Variants in AUTS2 observed in about 807,000 individuals in gnomAD.
The protein encoded by AUTS2 is autism susceptibility gene 2 protein.
Under a neutral mutation model 112.4 loss-of-function variants are expected in AUTS2, and 17 were observed. The observed-to-expected ratio is 0.15, with a 90% CI of 0.10 to 0.23. The LOEUF is 0.23. Ranked by LOEUF, AUTS2 falls within the 10% of genes least tolerant of loss-of-function variation. The pLI, the probability that AUTS2 is intolerant of heterozygous loss-of-function variation, is 1.00. For missense variants in AUTS2, 1,510 were observed against 1,701.6 expected (o/e 0.89, Z 1.98); for synonymous variants, 751 against 702.7 (o/e 1.07, Z -1.09).
chr7:69,900,277 G>A (rs1794916333), intron 2 of AUTS2, among the ~76,000 whole-genome samples: 1 of 152,212 alleles, frequency 6.6e-6, no homozygotes, highest in Non-Finnish European at 1.5e-5. Flanking sequence ...TGTCCTGGGT[G>A]TGTTTTATTT....
At chr7:70,711,865 T>TAA (rs1328557425) in intron 6 of AUTS2, among the ~76,000 whole-genome samples, 1 of 152,162 alleles carries the variant, frequency 6.6e-6, no homozygotes, top group Non-Finnish European at 1.5e-5. Flanking sequence ...AAAACTAGCC[T>TAA]AAAAACACAG....
chr7:70,303,475 G>T (rs991070801), intron 4 of AUTS2, among the ~76,000 whole-genome samples: 2 of 106,426 alleles, frequency 1.9e-5, no homozygotes, highest in Non-Finnish European at 4.1e-5. Flanking sequence ...CACACACACA[G>T]TGCTGCTGCA....
At chr7:69,919,075 T>C (rs1228011323) in intron 2 of AUTS2, among the ~76,000 whole-genome samples, 3 of 152,164 alleles carry the variant, frequency 2.0e-5, no homozygotes, top group Non-Finnish European at 4.4e-5. Flanking sequence ...CATTAACTAT[T>C]GTCATATATG....
Position 70,504,285 on chromosome 7 carries a change from G to A in AUTS2, c.690+68504G>A, listed in dbSNP as rs190036215. On this transcript the variant is annotated intron_variant, in intron 5 of 18. Coordinates refer to ENST00000342771, the MANE Select transcript of AUTS2 (RefSeq NM_015570.4). Reference sequence around the variant, plus strand: ...CAGGTTTAGAGAGGTCTAATGAAGAGGGTTTACTGAATGGGGAAAGGGCAG... The same window carrying A: ...CAGGTTTAGAGAGGTCTAATGAAGAAGGTTTACTGAATGGGGAAAGGGCAG... Among the ~76,000 whole-genome samples, 5 of 151,914 alleles carry A rather than the reference G, an allele frequency of 3.3e-5. No homozygotes were observed. The East Asian group carries it at 9.7e-4, about 29-fold the overall frequency.
intron 4 of AUTS2, among the ~76,000 whole-genome samples, chr7:70,174,792 G>T (rs961896767): frequency 3.3e-5 from 5 of 152,090 alleles, no homozygotes; most frequent in African/African-American, 1.2e-4. Context: ...GAGACCTACT[G>T]CTTGGAAAAA....
At chr7:70,179,086 A>G (rs1331638795) in intron 4 of AUTS2, among the ~76,000 whole-genome samples, 1 of 152,106 alleles carries the variant, frequency 6.6e-6, no homozygotes, top group Non-Finnish European at 1.5e-5. Context: ...TTGGAATGCA[A>G]GTGCATCACA....
chr7:69,765,261 G>C (rs1001745959), intron 1 of AUTS2, among the ~76,000 whole-genome samples: 9 of 152,050 alleles, frequency 5.9e-5, no homozygotes, highest in Non-Finnish European at 8.8e-5. Flanking sequence ...GTTCCTTCTG[G>C]TCAAGAGCCC....
chr7:69,765,508 G>C (rs1057226156), intron 1 of AUTS2, among the ~76,000 whole-genome samples: 4 of 152,098 alleles, frequency 2.6e-5, no homozygotes, highest in Non-Finnish European at 4.4e-5. Context: ...AAAGAGTCAG[G>C]GTCTCACTGT....
At chr7:70,583,718 C>G (rs6961778) in intron 5 of AUTS2, among the ~76,000 whole-genome samples, 2 of 152,202 alleles carry the variant, frequency 1.3e-5, no homozygotes, top group Non-Finnish European at 1.5e-5. Flanking sequence ...CCGCACCGCA[C>G]GGCTCAGGCC....
chr7:70,738,330 G>C (rs927633984), intron 6 of AUTS2, among the ~76,000 whole-genome samples: 1 of 151,650 alleles, frequency 6.6e-6, no homozygotes, highest in African/African-American at 2.4e-5. Context: ...TGCTGGAGCA[G>C]ATGAAAAGGC....
chr7:70,758,964 C>G (rs1789391631), intron 6 of AUTS2, among the ~76,000 whole-genome samples: 1 of 152,146 alleles, frequency 6.6e-6, no homozygotes, highest in African/African-American at 2.4e-5. Flanking sequence ...GTTTCAGCCC[C>G]CGAAGTTCTT....
intron 4 of AUTS2, among the ~76,000 whole-genome samples, chr7:70,403,479 C>T (rs745479753): frequency 1.7e-4 from 26 of 152,342 alleles, no homozygotes; most frequent in Non-Finnish European, 3.5e-4. Flanking sequence ...TTTCCTTCAT[C>T]AGATCATCAA....
chr7:70,114,034 A>T (rs1805226848), intron 2 of AUTS2, among the ~76,000 whole-genome samples: 1 of 152,230 alleles, frequency 6.6e-6, no homozygotes, highest in Non-Finnish European at 1.5e-5. Context: ...ATGAAAAACA[A>T]ACTAGCTTCT....
At chr7:70,222,331 G>A (rs1197669788) in intron 4 of AUTS2, among the ~76,000 whole-genome samples, 1 of 152,184 alleles carries the variant, frequency 6.6e-6, no homozygotes, top group Non-Finnish European at 1.5e-5. Context: ...CAAGGTGAGT[G>A]AAGGTGAAGC....
intron 1 of AUTS2, among the ~76,000 whole-genome samples, chr7:69,839,435 A>G (rs1304455895): frequency 6.6e-6 from 1 of 152,166 alleles, no homozygotes; most frequent in Non-Finnish European, 1.5e-5. Context: ...ATTCCAGATT[A>G]TAGGCATATA....
In AUTS2 at chr7:70,717,304, C is replaced by T. The variant is rs373255894; in HGVS notation, c.742+18684C>T. 3.9e-5 allele frequency among the ~76,000 whole-genome samples: 6 copies of T among 152,256 alleles called. No individual in the cohort carries two copies. The East Asian group carries it at 9.7e-4, about 25-fold the overall frequency. On this transcript the variant is annotated intron_variant, in intron 6 of 18. Transcript: ENST00000342771. ...CAAGTGATCCTCCTATCCCAGCCTC[C>T]GAAGTAGCTGGAACTACAGGCCTGT...
At chr7:70,634,117 C>T (rs1338757162) in intron 5 of AUTS2, among the ~76,000 whole-genome samples, 1 of 152,086 alleles carries the variant, frequency 6.6e-6, no homozygotes, top group Non-Finnish European at 1.5e-5. Flanking sequence ...GGTCCCTGCC[C>T]TTGTGGTGCT....
At chr7:69,985,583 G>T (rs1391245505) in intron 2 of AUTS2, among the ~76,000 whole-genome samples, 1 of 152,082 alleles carries the variant, frequency 6.6e-6, no homozygotes, top group East Asian at 1.9e-4. Flanking sequence ...GTGGCTCCCT[G>T]CCCACTTCCA....
intron 1 of AUTS2, among the ~76,000 whole-genome samples, chr7:69,819,776 C>T (rs935470769): frequency 9.9e-5 from 15 of 152,190 alleles, no homozygotes; most frequent in Non-Finnish European, 2.1e-4. Context: ...TGCCACTGAG[C>T]CTGGCTAATT....
Sources: gnomAD v4.1 joint callset for allele counts (sites outside exome capture counted in the v4.1 genomes callset) on GRCh38, gnomAD v4.1.1 for gene constraint, MANE v1.5 for transcripts, NCBI Gene and HGNC (gene_info 2026-07-23, HGNC 2026-07-21) for gene names.